The following LRBA variants were observed in gnomAD, a reference collection of about 807,000 sequenced individuals.
LRBA encodes the protein lipopolysaccharide-responsive and beige-like anchor protein.
In LRBA, 176 loss-of-function variants were observed where a neutral mutation model predicts 330.0. That is an observed-to-expected ratio of 0.53 (90% CI 0.47 to 0.60). The LOEUF (loss-of-function observed/expected upper bound fraction) is 0.60, where lower values mean the gene tolerates loss of function less well. LRBA is among the 20% of genes least tolerant of loss of function. LRBA has a pLI of 0.00. For synonymous variants in LRBA, 1,230 were observed against 1,193.0 expected (o/e 1.03, Z -0.64); for missense variants, 3,259 against 3,444.8 (o/e 0.95, Z 1.35).
intron 56 of LRBA, among the ~76,000 whole-genome samples, chr4:150,266,586 AAATT>A (rs1048112101): frequency 3.3e-5 from 5 of 152,224 alleles, no homozygotes; most frequent in Admixed American, 6.5e-5. Flanking sequence ...CCTCGTATCA[AAATT>A]AATTAGGAAC....
intron 40 of LRBA, among the ~76,000 whole-genome samples, chr4:150,552,560 T>C (rs762717095): frequency 6.6e-6 from 1 of 152,150 alleles, no homozygotes; most frequent in Non-Finnish European, 1.5e-5. Context: ...GAGTGTGAAC[T>C]AGTTCAACCA....
chr4:150,744,759 G>T (rs1732467628), intron 35 of LRBA, among the ~76,000 whole-genome samples: 1 of 152,214 alleles, frequency 6.6e-6, no homozygotes, highest in Non-Finnish European at 1.5e-5. Context: ...GTGACCTCCA[G>T]TGAGTCGTGG....
intron 34 of LRBA, among the ~76,000 whole-genome samples, chr4:150,782,433 C>T (rs745737731): frequency 2.0e-5 from 3 of 152,146 alleles, no homozygotes; most frequent in Non-Finnish European, 4.4e-5. Flanking sequence ...ATAAAAGTAT[C>T]AGTAGAGCCA....
Position 150,821,848 on chromosome 4 carries a change from T to G in LRBA, c.5172-4591A>C, listed in dbSNP as rs77599669. Among the ~76,000 whole-genome samples, 9 of 152,290 alleles carry G rather than the reference T, an allele frequency of 5.9e-5. No individual in the cohort carries two copies. In the East Asian group the frequency reaches 1.7e-3, roughly 29 times the overall value. ...GCATGGGAATGAACACAAACACCTT[T>G]GCATTCACAAAGGCCCACAACCTGG... On this transcript the variant is annotated intron_variant, in intron 30 of 56. Transcript: ENST00000651943.
chr4:150,317,654 AT>A (rs1731894512), intron 50 of LRBA, among the ~76,000 whole-genome samples: 1 of 152,158 alleles, frequency 6.6e-6, no homozygotes, highest in Non-Finnish European at 1.5e-5. Context: ...GTCAATCAAC[AT>A]TAATACCTTT....
chr4:150,624,149 A>T (rs1776590674), intron 37 of LRBA, among the ~76,000 whole-genome samples: 6 of 152,280 alleles, frequency 3.9e-5, no homozygotes, highest in African/African-American at 9.6e-5. Context: ...TTTTGTGACA[A>T]CTATGAACTA....
At chr4:150,924,791 T>TC (rs1290519575) in intron 4 of LRBA, among the ~76,000 whole-genome samples, 5 of 152,200 alleles carry the variant, frequency 3.3e-5, no homozygotes, top group African/African-American at 7.2e-5. Context: ...CATTATTTTT[T>TC]CCCTTTATCA....
At chr4:150,658,076 C>T (rs1307048022) in intron 37 of LRBA, among the ~76,000 whole-genome samples, 3 of 152,070 alleles carry the variant, frequency 2.0e-5, no homozygotes, top group South Asian at 2.1e-4. Context: ...GATGACACCA[C>T]GCTAAGGGGT....
chr4:150,309,635 C>T (rs909802277), intron 52 of LRBA, among the ~76,000 whole-genome samples: 1 of 152,082 alleles, frequency 6.6e-6, no homozygotes, highest in Non-Finnish European at 1.5e-5. Flanking sequence ...TAATACTGAG[C>T]TCAGCTTGGT....
chr4:150,850,369 C>T (rs1007136731), intron 24 of LRBA, among the ~76,000 whole-genome samples: 1 of 152,148 alleles, frequency 6.6e-6, no homozygotes, highest in African/African-American at 2.4e-5. Flanking sequence ...GCTGGGATTA[C>T]AGGCTTGAGC....
At chr4:150,944,983 G>A (rs1043276420) in intron 2 of LRBA, among the ~76,000 whole-genome samples, 6 of 152,036 alleles carry the variant, frequency 3.9e-5, no homozygotes, top group African/African-American at 1.2e-4. Context: ...TTCCTCCTTC[G>A]CCTTCCACTA....
intron 48 of LRBA, among the ~76,000 whole-genome samples, chr4:150,326,658 TTTAC>T (rs1317538714): frequency 3.3e-5 from 5 of 152,182 alleles, no homozygotes; most frequent in African/African-American, 1.2e-4. Context: ...AAGCATTGTG[TTTAC>T]TTGTTTATAT....
chr4:150,923,394 C>T (rs1733536868), intron 4 of LRBA, among the ~76,000 whole-genome samples: 1 of 152,020 alleles, frequency 6.6e-6, no homozygotes, highest in African/African-American at 2.4e-5. Flanking sequence ...TCAAAAGGAC[C>T]CCTGTACTCC....
chr4:150,351,667 T>A (rs572882046), intron 47 of LRBA, among the ~76,000 whole-genome samples: 1 of 152,070 alleles, frequency 6.6e-6, no homozygotes, highest in Non-Finnish European at 1.5e-5. Context: ...CCAGCCTGGG[T>A]GACAGAGTGA....
intron 40 of LRBA, among the ~76,000 whole-genome samples, chr4:150,541,075 A>G (rs553932785): frequency 6.6e-6 from 1 of 152,204 alleles, no homozygotes; most frequent in Non-Finnish European, 1.5e-5. Flanking sequence ...TTCTTCTCAA[A>G]TAACAAAGGT....
In LRBA at chr4:150,867,701, C is replaced by T; in HGVS notation, c.2736G>A (p.Trp912Ter). ...AATGAGTGATTGATAAAGTGTCTAC[C>T]CATACACGCCAGCCACCCCACTCAT... ...VKYEWGGWRV[W>*]VDTLSITHSK... The change falls in exon 22 of 57, where the codon TGG becomes TGA. Residue 912 changes from tryptophan (W) to a stop codon, truncating the protein, a stop_gained. Coordinates refer to ENST00000651943, the MANE Select transcript of LRBA (RefSeq NM_001364905.1). LOFTEE classifies it high-confidence loss of function. The T allele has an allele frequency of 6.2e-7, 1 of 1,612,884 alleles. No homozygotes were observed.
chr4:150,421,332 C>T (rs1748767060), intron 46 of LRBA, among the ~76,000 whole-genome samples: 1 of 143,516 alleles, frequency 7.0e-6, no homozygotes, highest in Non-Finnish European at 1.5e-5. Flanking sequence ...AAATATATGT[C>T]ATTTTATGTA....
chr4:150,802,285 A>G (rs1277027115), intron 33 of LRBA, among the ~76,000 whole-genome samples: 2 of 150,150 alleles, frequency 1.3e-5, no homozygotes, highest in East Asian at 3.9e-4. Context: ...AGAGGCTAAT[A>G]AACAAGAGTA....
At position 150,321,382 on chromosome 4, in the gene LRBA, T is replaced by TA; in HGVS notation, c.7453-15dup. On this transcript the variant is annotated splice_polypyrimidine_tract_variant and intron_variant, in intron 49 of 56. Coordinates refer to ENST00000651943, the MANE Select transcript of LRBA (RefSeq NM_001364905.1). This position sits in a 1 kb window ranked among gnomAD's most constrained non-coding sequence, Gnocchi z 4.5. ...CATCAATGGACTCTGCAGGAGGAGA[T>TA]ACTGTTGAGTGGGCATGACAAGACC... The TA allele has an allele frequency of 6.4e-7, 1 of 1,563,052 alleles. No individual in the cohort carries two copies. Among genetic ancestry groups the TA allele is most frequent in the Non-Finnish European group, 8.6e-7 (1 of 1,161,764 alleles).
Sources: allele counts gnomAD v4.1 joint callset (sites outside exome capture counted in the v4.1 genomes callset), GRCh38; gene constraint gnomAD v4.1.1; non-coding constraint Gnocchi (gnomAD v3.1); transcripts MANE v1.5; gene names NCBI Gene and HGNC (gene_info 2026-07-23, HGNC 2026-07-21).